HCN1: variants seen among roughly 807,000 people sequenced by gnomAD.
HCN1 encodes hyperpolarization activated cyclic nucleotide gated potassium channel 1.
Under a neutral mutation model 78.9 loss-of-function variants are expected in HCN1, and 13 were observed. The ratio of observed to expected loss-of-function variants is 0.16; its 90% CI spans 0.11 to 0.26. The LOEUF is 0.26. Ranked by LOEUF, HCN1 falls within the 10% of genes least tolerant of loss-of-function variation. The pLI is 1.00. For missense variants in HCN1, 810 were observed against 1,154.3 expected (o/e 0.70, Z 4.32); for synonymous variants, 552 against 455.5 (o/e 1.21, Z -2.70).
chr5:45,477,003 A>T (rs768756721), intron 2 of HCN1, among the ~76,000 whole-genome samples: 19 of 152,176 alleles, frequency 1.2e-4, no homozygotes, highest in Non-Finnish European at 2.4e-4. Context: ...ATTATTCCCA[A>T]GATACATTTA....
chr5:45,558,822 G>A (rs926837771), intron 2 of HCN1: 24 of 151,736 alleles, frequency 1.6e-4, no homozygotes, highest in African/African-American at 5.6e-4. Flanking sequence ...AGGCTAGAGT[G>A]TGGTGGCATT....
intron 4 of HCN1, among the ~76,000 whole-genome samples, chr5:45,372,322 A>T (rs1164010329): frequency 1.0e-5 from 1 of 100,338 alleles, no homozygotes. Context: ...TGAAATATAT[A>T]TGTTATATAA....
intron 2 of HCN1, among the ~76,000 whole-genome samples, chr5:45,567,724 CCAACTAAATGAGGGTAAA>C (rs1390229874): frequency 6.6e-6 from 1 of 151,930 alleles, no homozygotes; most frequent in Non-Finnish European, 1.5e-5. Flanking sequence ...ACAGTGCTTG[CCAACTAAATGAGGGTAAA>C]ATTAAGTTCT....
chr5:45,424,052 G>T (rs975691917), intron 3 of HCN1, among the ~76,000 whole-genome samples: 28 of 145,784 alleles, frequency 1.9e-4, no homozygotes, highest in Non-Finnish European at 3.7e-4. Flanking sequence ...GAGGAGGGCG[G>T]ATCACGAGGT....
At chr5:45,469,949 A>G (rs1741355285) in intron 2 of HCN1, among the ~76,000 whole-genome samples, 1 of 151,994 alleles carries the variant, frequency 6.6e-6, no homozygotes, top group Non-Finnish European at 1.5e-5. Context: ...TGTCTTTAAC[A>G]TCCCAGCCTC....
intron 5 of HCN1, among the ~76,000 whole-genome samples, chr5:45,352,321 A>G (rs763019273): frequency 6.6e-6 from 1 of 151,814 alleles, no homozygotes; most frequent in Non-Finnish European, 1.5e-5. Flanking sequence ...TGGGAATTGA[A>G]CAATGAGAAC....
At chr5:45,680,878 G>C (rs1277662359) in intron 1 of HCN1, among the ~76,000 whole-genome samples, 1 of 152,004 alleles carries the variant, frequency 6.6e-6, no homozygotes, top group Non-Finnish European at 1.5e-5. Flanking sequence ...TTAAACATCT[G>C]ATGGGTTTGA....
rs114830364 is a variant in HCN1 at position 45,345,654 on chromosome 5, T to A, written c.1377+7446A>T. Reference sequence around the variant, plus strand: ...ACCTTTGCTCCAGTTCCTAACAAGATCCTCATCTCCATCTGAGACCATCTC... The same window carrying A: ...ACCTTTGCTCCAGTTCCTAACAAGAACCTCATCTCCATCTGAGACCATCTC... On this transcript the variant is annotated intron_variant, in intron 5 of 7. Coordinates refer to ENST00000303230, the MANE Select transcript of HCN1 (RefSeq NM_021072.4). 8.1e-3 allele frequency among the ~76,000 whole-genome samples: 1,234 copies of A among 152,254 alleles called. 17 individuals carry two copies. Among genetic ancestry groups the A allele is most frequent in the African/African-American group, 0.029 (1,185 of 41,548 alleles).
At chr5:45,458,198 G>A (rs940645675) in intron 3 of HCN1, among the ~76,000 whole-genome samples, 8 of 151,886 alleles carry the variant, frequency 5.3e-5, no homozygotes, top group Middle Eastern at 3.2e-3. Flanking sequence ...CATCTAGCTA[G>A]TGGGATACAG....
chr5:45,588,881 G>A (rs1453109564), intron 2 of HCN1, among the ~76,000 whole-genome samples: 4 of 152,118 alleles, frequency 2.6e-5, no homozygotes, highest in Admixed American at 2.0e-4. Flanking sequence ...TTTATCTCAC[G>A]CCTGATAAAA....
intron 5 of HCN1, among the ~76,000 whole-genome samples, chr5:45,305,269 G>A (rs893814892): frequency 6.6e-6 from 1 of 152,130 alleles, no homozygotes; most frequent in African/African-American, 2.4e-5. Flanking sequence ...ATGCCATCCA[G>A]GATAGATAAA....
At chr5:45,509,298 C>T (rs1000528647) in intron 2 of HCN1, among the ~76,000 whole-genome samples, 4 of 151,978 alleles carry the variant, frequency 2.6e-5, no homozygotes, top group Admixed American at 6.6e-5. Context: ...CACATTTATG[C>T]TCTTTGGGTT....
chr5:45,388,793 T>G (rs1428085927), intron 4 of HCN1, among the ~76,000 whole-genome samples: 1 of 152,142 alleles, frequency 6.6e-6, no homozygotes, highest in Non-Finnish European at 1.5e-5. Flanking sequence ...GTTATTGAAT[T>G]GTTGAGTCTC....
At chr5:45,478,296 A>C (rs1741563338) in intron 2 of HCN1, among the ~76,000 whole-genome samples, 1 of 152,192 alleles carries the variant, frequency 6.6e-6, no homozygotes, top group South Asian at 2.1e-4. Flanking sequence ...CTATTGTAAA[A>C]ATGAAGAAGT....
Position 45,600,233 on chromosome 5 carries a change from T to C in HCN1, c.849+44952A>G, listed in dbSNP as rs541257822. On this transcript the variant is annotated intron_variant, in intron 2 of 7. Coordinates refer to ENST00000303230, the MANE Select transcript of HCN1 (RefSeq NM_021072.4). ...TGCACTTTATCTCTCAATAACCTCA[T>C]CAAAACAGCAACAAGGCAGAAAGAG... Among the ~76,000 whole-genome samples the C allele has an allele frequency of 9.9e-5, 15 of 151,992 alleles. No individual in the cohort carries two copies. The East Asian group carries it at 2.9e-3, about 29-fold the overall frequency.
At chr5:45,314,668 C>T (rs916237288) in intron 5 of HCN1, among the ~76,000 whole-genome samples, 3 of 152,016 alleles carry the variant, frequency 2.0e-5, no homozygotes, top group African/African-American at 7.2e-5. Flanking sequence ...ATTCAGGAGA[C>T]CCATCTCACA....
intron 2 of HCN1, among the ~76,000 whole-genome samples, chr5:45,566,477 T>C (rs1743709077): frequency 6.6e-6 from 1 of 152,190 alleles, no homozygotes; most frequent in African/African-American, 2.4e-5. Context: ...TAAGTTAGAA[T>C]ATTAAATTTT....
At chr5:45,310,699 T>C (rs1028054056) in intron 5 of HCN1, among the ~76,000 whole-genome samples, 2 of 152,084 alleles carry the variant, frequency 1.3e-5, no homozygotes, top group African/African-American at 4.8e-5. Context: ...TGTTCTATTA[T>C]AAAGACATGC....
intron 3 of HCN1, among the ~76,000 whole-genome samples, chr5:45,430,694 C>T (rs1033159076): frequency 2.6e-5 from 4 of 151,872 alleles, no homozygotes; most frequent in Admixed American, 6.6e-5. Context: ...CATCATCGGG[C>T]GCTTGTAGTC....
Sources: gnomAD v4.1 joint callset for allele counts (sites outside exome capture counted in the v4.1 genomes callset) on GRCh38, gnomAD v4.1.1 for gene constraint, MANE v1.5 for transcripts, NCBI Gene and HGNC (gene_info 2026-07-23, HGNC 2026-07-21) for gene names.